DAO: variants seen among roughly 807,000 people sequenced by gnomAD.
DAO encodes D-amino acid oxidase.
A neutral mutation model predicts 50.1 loss-of-function variants in DAO; 51 were observed. The observed-to-expected ratio is 1.02, with a 90% CI of 0.81 to 1.29. The LOEUF (loss-of-function observed/expected upper bound fraction) is 1.29. Ranked by LOEUF, DAO falls within the 50% of genes most tolerant of loss-of-function variation. The pLI is 0.00. For missense variants in DAO, 436 were observed against 439.4 expected, an observed-to-expected ratio of 0.99 and a Z score of 0.07; for synonymous variants, 160 against 166.2, an observed-to-expected ratio of 0.96 and a Z score of 0.29.
rs192312168 is a variant in DAO at position 108,894,257 on chromosome 12, T to C, written c.508-6T>C. The C allele has an allele frequency of 2.4e-3, 3,921 of 1,612,742 alleles. 80 individuals carry two copies. The highest frequency in any genetic ancestry group is 3.3e-4 in the Non-Finnish European group (384 of 1,179,130). ...CATCCCCCACTACCCTGTTGGTTGC[T>C]ACCAGGTGGCAAGAGAAGGCGCAGA... On this transcript the variant is annotated splice_region_variant and splice_polypyrimidine_tract_variant and intron_variant, in intron 6 of 10. Coordinates refer to ENST00000228476, the MANE Select transcript of DAO (RefSeq NM_001917.5).
At chr12:108,894,139 G>A in intron 6 of DAO, 124 bp from the exon 7 acceptor site, 1 of 745,682 alleles carries the variant, frequency 1.3e-6, no homozygotes, top group South Asian at 1.5e-5. Context: ...TCCTCATTGA[G>A]ACCTCTCCCC....
chr12:108,885,554 G>A (rs1397293415), intron 2 of DAO, among the ~76,000 whole-genome samples: 2 of 152,070 alleles, frequency 1.3e-5, no homozygotes, highest in Non-Finnish European at 2.9e-5. Context: ...AGGTGGCAGT[G>A]AGCTGAGATT....
intron 5 of DAO, 70 bp downstream of exon 5, chr12:108,890,343 G>C: frequency 1.6e-6 from 2 of 1,235,904 alleles, no homozygotes; most frequent in South Asian, 2.4e-5. Context: ...GATGGTTCGT[G>C]GGCTTCCCTC....
At chr12:108,892,925 G>C in intron 5 of DAO, 57 bp from the exon 6 acceptor site, 1 of 1,525,612 alleles carries the variant, frequency 6.6e-7, no homozygotes, top group Non-Finnish European at 9.1e-7. Context: ...CCACCCTCTT[G>C]GTGGGATGGG....
intron 3 of DAO, among the ~76,000 whole-genome samples, chr12:108,888,405 G>A (rs928957606): frequency 1.3e-5 from 2 of 151,382 alleles, no homozygotes; most frequent in Admixed American, 6.6e-5. Context: ...GCATGATCTC[G>A]GCTCACTGCA....
intron 5 of DAO, among the ~76,000 whole-genome samples, chr12:108,892,759 C>A (rs964899648): frequency 3.3e-5 from 5 of 152,168 alleles, no homozygotes; most frequent in Non-Finnish European, 7.3e-5. Context: ...ATCTGCCCAA[C>A]AAGGGGCTTG....
rs767942177 is a variant in DAO, at chr12:108,890,244, A to C, written c.423A>C (p.Gly141=). The change falls in exon 5 of 11, where the codon GGA becomes GGC. Residue 141 remains glycine, a synonymous_variant. Coordinates refer to ENST00000228476, the MANE Select transcript of DAO (RefSeq NM_001917.5). ...TCCACACAAGCCTAATTCTGGAGGG[A>C]AAGAACTATCTACAGTGGCTGACTG... ...GWFHTSLILE[G]KNYLQWLTER... The C allele has an allele frequency of 6.2e-7, 1 of 1,613,910 alleles. No individual in the cohort carries two copies. Among genetic ancestry groups the C allele is most frequent in the Non-Finnish European group, 8.5e-7 (1 of 1,179,782 alleles).
chr12:108,887,108 C>T (rs1237323197), intron 2 of DAO, among the ~76,000 whole-genome samples: 1 of 152,154 alleles, frequency 6.6e-6, no homozygotes, highest in Non-Finnish European at 1.5e-5. Context: ...GGGGTGCTTG[C>T]AGCCAGACTG....
Position 108,887,452 on chromosome 12 carries a change from A to T in DAO, c.197A>T (p.Asp66Val). 6.2e-7 allele frequency: 1 copy of T among 1,612,828 alleles called. No homozygotes were observed. The highest frequency in any genetic ancestry group is 8.5e-7 in the Non-Finnish European group (1 of 1,178,892). ...CGAACTCTTCATGACCCTTCCAGGG[A>T]CTGGAGCCAACAGACCTTTGACTAT... The part of the protein sequence containing the change: ...LSDPNNPQEA[D>V]WSQQTFDYLL... The change falls in exon 3 of 11, where the codon GAC (aspartate) becomes GTC (valine). Residue 66 changes from aspartate to valine, a missense_variant and splice_region_variant. Physicochemically the swap from Asp to Val is radical, Grantham distance 152 (BLOSUM62 -3). Transcript: ENST00000228476.
intron 6 of DAO, among the ~76,000 whole-genome samples, chr12:108,893,243 T>C (rs1238790489): frequency 6.6e-6 from 1 of 152,184 alleles, no homozygotes; most frequent in Non-Finnish European, 1.5e-5. Context: ...ACTGGGATCA[T>C]GGTGGCCATT....
Position 108,885,169 on chromosome 12 carries a change from T to C in DAO, c.163T>C (p.Tyr55His). ...TDVAAGLWQP[Y>H]LSDPNNPQEA... ...CGTGGCTGCCGGCCTCTGGCAGCCC[T>C]ACCTTTCTGACCCCAACAACCCACA... is the stretch of plus-strand genomic sequence containing the variant. Residue 55 changes from tyrosine to histidine, a missense_variant, in exon 2 of 11, where the codon TAC becomes CAC. Transcript: ENST00000228476. 1 of 1,613,484 alleles carries C rather than the reference T, an allele frequency of 6.2e-7. No homozygotes were observed. Among genetic ancestry groups the C allele is most frequent in the Non-Finnish European group, 8.5e-7 (1 of 1,179,728 alleles).
chr12:108,883,823 C>T (rs1199966489), intron 1 of DAO: 3 of 337,516 alleles, frequency 8.9e-6, no homozygotes, highest in Admixed American at 3.7e-5. Flanking sequence ...CTTCTGAAAC[C>T]CCAACAGAGT....
Position 108,899,448 on chromosome 12 carries a change from G to A in DAO, c.885G>A (p.Gln295=). The change falls in exon 10 of 11, where the codon CAG becomes CAA. Residue 295 remains glutamine, a synonymous_variant. Transcript: ENST00000228476. The part of the protein sequence containing the change: ...VRPQIRLERE[Q]LRTGPSNTEV... The stretch of plus-strand genomic sequence containing the variant: ...CCCAGATTCGGCTAGAAAGAGAACA[G>A]CTTCGCACTGGACCTTCAAACACAG... 1.2e-6 allele frequency: 2 copies of A among 1,613,756 alleles called. No homozygotes were observed. The highest frequency in any genetic ancestry group is 8.5e-7 in the Non-Finnish European group (1 of 1,179,870).
chr12:108,884,990 T>TC lies in DAO; in HGVS notation c.-9-5dup, dbSNP rs1399900528. On this transcript the variant is annotated splice_region_variant and splice_polypyrimidine_tract_variant and intron_variant, in intron 1 of 10. Transcript: ENST00000228476. Reference sequence around the variant, plus strand: ...ATGATGTTGTGCCTCAACCCTTCCTTCCCACAGGCTGCTGCAATGCGTGTG... The same window carrying TC: ...ATGATGTTGTGCCTCAACCCTTCCTTCCCCACAGGCTGCTGCAATGCGTGTG... 6.2e-7 allele frequency: 1 copy of TC among 1,613,542 alleles called. No individual in the cohort carries two copies. The highest frequency in any genetic ancestry group is 1.3e-5 in the African/African-American group (1 of 74,884).
chr12:108,896,933 G>C, intron 7 of DAO, 73 bp from the exon 8 acceptor site: 3 of 1,124,658 alleles, frequency 2.7e-6, no homozygotes, highest in Non-Finnish European at 4.1e-6. Context: ...AGGACATCTG[G>C]CCACAGAGGG....
In DAO at chr12:108,897,099, A is replaced by G; in HGVS notation, c.695+11A>G. Reference sequence around the variant, plus strand: ...GTACATCATCCCAGGGTAAAATTGGACTGTTCTCGGGCAGAAGAGTGGTCC... The same window carrying G: ...GTACATCATCCCAGGGTAAAATTGGGCTGTTCTCGGGCAGAAGAGTGGTCC... On this transcript the variant is annotated intron_variant, in intron 8 of 10. Coordinates refer to ENST00000228476, the MANE Select transcript of DAO (RefSeq NM_001917.5). 6.2e-7 allele frequency: 1 copy of G among 1,604,820 alleles called. No homozygotes were observed. Among genetic ancestry groups the G allele is most frequent in the Non-Finnish European group, 8.5e-7 (1 of 1,171,706 alleles).
chr12:108,889,784 T>C (rs749560893), intron 4 of DAO, among the ~76,000 whole-genome samples: 9 of 152,096 alleles, frequency 5.9e-5, no homozygotes, highest in Non-Finnish European at 1.0e-4. Flanking sequence ...TATCACCATA[T>C]TGTTTTGTAG....
chr12:108,890,116 A>C (rs1042008834), intron 4 of DAO, 92 bp from the exon 5 acceptor site: 1 of 1,122,018 alleles, frequency 8.9e-7, no homozygotes, highest in Non-Finnish European at 1.4e-6. Context: ...TTGGGCCCAC[A>C]GAACAACATT....
chr12:108,899,883 C>T (rs2039602772), intron 10 of DAO: 5 of 319,182 alleles, frequency 1.6e-5, no homozygotes, highest in Non-Finnish European at 3.0e-5. Flanking sequence ...GCAGAGATGA[C>T]AGTATCAATG....
Sources: gnomAD v4.1 joint callset for allele counts (sites outside exome capture counted in the v4.1 genomes callset) on GRCh38, gnomAD v4.1.1 for gene constraint, MANE v1.5 for transcripts, NCBI Gene and HGNC (gene_info 2026-07-23, HGNC 2026-07-21) for gene names.